Variants in ARHGAP32 observed in about 807,000 individuals in gnomAD.
ARHGAP32 encodes the protein rho GTPase-activating protein 32.
In ARHGAP32, 51 loss-of-function variants were observed where a neutral mutation model predicts 186.5. That is an observed-to-expected ratio of 0.27 (90% confidence interval 0.22 to 0.35). The LOEUF is 0.35. Ranked by LOEUF, ARHGAP32 falls within the 10% of genes least tolerant of loss-of-function variation. The pLI is 1.00. For synonymous variants in ARHGAP32, 950 were observed against 964.3 expected, an observed-to-expected ratio of 0.99 and a Z score of 0.27; for missense variants, 2,186 against 2,623.5, an observed-to-expected ratio of 0.83 and a Z score of 3.64.
chr11:129,080,889 C>T (rs1053312818), intron 6 of ARHGAP32, among the ~76,000 whole-genome samples: 57 of 151,854 alleles, frequency 3.8e-4, no homozygotes, highest in African/African-American at 1.4e-3. Flanking sequence ...ACGAGAAGAT[C>T]CAACTAAGCT....
At chr11:129,249,895 T>G (rs1198223002) in intron 1 of ARHGAP32, among the ~76,000 whole-genome samples, 3 of 152,042 alleles carry the variant, frequency 2.0e-5, no homozygotes, top group Admixed American at 1.3e-4. Context: ...TAACTGGTTG[T>G]TTGATGTCAA....
Position 129,255,350 on chromosome 11 carries a change from T to A in ARHGAP32, c.-5+23796A>T, listed in dbSNP as rs568953208. Among the ~76,000 whole-genome samples, 228 of 152,216 alleles carry A rather than the reference T, an allele frequency of 1.5e-3. 2 individuals are homozygous for A. The highest frequency in any genetic ancestry group is 5.4e-3 in the African/African-American group (223 of 41,556). Reference sequence around the variant, plus strand: ...AATCTCATGTGAAAATAAGGTACTGTGACCCCCAACTCACATCCTACACAA... The same window carrying A: ...AATCTCATGTGAAAATAAGGTACTGAGACCCCCAACTCACATCCTACACAA... On this transcript the variant is annotated intron_variant, in intron 1 of 6. Coordinates refer to the ARHGAP32 transcript ENST00000525234.
At chr11:129,052,010 A>G (rs975641496) in intron 10 of ARHGAP32, among the ~76,000 whole-genome samples, 3 of 149,950 alleles carry the variant, frequency 2.0e-5, no homozygotes, top group Non-Finnish European at 4.4e-5. Flanking sequence ...CAAAGCCACA[A>G]AAGTTTTCTC....
chr11:128,973,316 A>T lies in ARHGAP32; in HGVS notation c.3190T>A (p.Ser1064Thr). ...ARMLALALAE[S>T]AQQASTQSLK... is the part of the protein sequence containing the mutation. ...GACTGAGTTGAGGCTTGCTGTGCGGACTCAGCTAATGCTAGCGCCAACATT... is the reference window on the plus strand; with the variant it reads ...GACTGAGTTGAGGCTTGCTGTGCGGTCTCAGCTAATGCTAGCGCCAACATT... Residue 1064 changes from serine to threonine, a missense_variant, in exon 22 of 23, where the codon TCC (serine) becomes ACC (threonine). Ser to Thr is a moderately conservative substitution (Grantham distance 58). Around this residue, in one of 5 missense-constraint regions of ARHGAP32, gnomAD observed 1,502 missense variants for 1,570.0 expected, o/e 0.96. Transcript: ENST00000682385. The T allele has an allele frequency of 1.2e-6, 2 of 1,613,912 alleles. No individual in the cohort carries two copies. Among genetic ancestry groups the T allele is most frequent in the Non-Finnish European group, 1.7e-6 (2 of 1,179,994 alleles).
chr11:128,967,872 A>C lies in ARHGAP32; in HGVS notation c.*1035T>G, dbSNP rs1413264882. ...GTTTAGGAACAGAAACAAACATGGA[A>C]ATTTATATTCATAATAAATTATGCG... On this transcript the variant is annotated 3_prime_UTR_variant, in exon 23 of 23. Transcript: ENST00000682385. The C allele has an allele frequency of 6.6e-6, 1 of 151,696 alleles. No individual in the cohort carries two copies. Among genetic ancestry groups the C allele is most frequent in the Non-Finnish European group, 1.5e-5 (1 of 67,994 alleles). The allele number at this position is 151,696 out of a possible 1,614,324, so 9.4% of individuals were successfully genotyped here. A position where few individuals can be genotyped will look rare whatever the true frequency, so the allele number is the denominator to read the frequency against.
At chr11:128,976,530 A>G in intron 20 of ARHGAP32, 33 bp downstream of exon 20, 3 of 1,548,960 alleles carry the variant, frequency 1.9e-6, no homozygotes, top group Non-Finnish European at 2.7e-6. Flanking sequence ...GCAATATATT[A>G]TAGAATAAAA....
In ARHGAP32 at chr11:129,247,028, T is replaced by C. The variant is rs981979220; in HGVS notation, c.-5+32118A>G. On this transcript the variant is annotated intron_variant, in intron 1 of 6. Coordinates refer to the ARHGAP32 transcript ENST00000525234. ...CTCTTTTTTCCTCACTAGGTCTACC[T>C]TCCACGCTCTATAGTAAATACACTG... Among the ~76,000 whole-genome samples, 6 of 152,316 alleles carry C rather than the reference T, an allele frequency of 3.9e-5. No individual in the cohort carries two copies. The South Asian group carries it at 8.3e-4, about 21-fold the overall frequency.
chr11:129,124,026 TTTAAAACTGATTAC>T (rs2135383066), intron 3 of ARHGAP32, 97 bp from the exon 4 acceptor site: 1 of 834,308 alleles, frequency 1.2e-6, no homozygotes, highest in African/African-American at 1.8e-5. Context: ...GGTTTTCCTC[TTTAAAACTGATTAC>T]TTTCAGGTAC....
In ARHGAP32 at chr11:128,967,727, A is replaced by G. The variant is rs984644542; in HGVS notation, c.*1180T>C. 4 of 152,206 alleles carry G rather than the reference A, an allele frequency of 2.6e-5. No individual in the cohort carries two copies. The highest frequency in any genetic ancestry group is 5.9e-5 in the Non-Finnish European group (4 of 68,048). 9.4% of individuals were successfully genotyped at this position (152,206 alleles called of 1,614,324 possible). On this transcript the variant is annotated 3_prime_UTR_variant, in exon 23 of 23. Coordinates refer to ENST00000682385, the MANE Select transcript of ARHGAP32 (RefSeq NM_001378024.1). ...ACGACAGTAATGCCTTAGGACAGCA[A>G]TAACTGCCCAGAACTCCACTGGTGA...
At chr11:129,086,647 CT>C (rs1941409162) in intron 6 of ARHGAP32, among the ~76,000 whole-genome samples, 2 of 152,156 alleles carry the variant, frequency 1.3e-5, no homozygotes, top group Admixed American at 6.5e-5. Flanking sequence ...CGGTGAAACC[CT>C]GTCTCTACTA....
chr11:129,064,128 C>T, intron 8 of ARHGAP32, 104 bp from the exon 9 acceptor site: 1 of 973,480 alleles, frequency 1.0e-6, no homozygotes, highest in Non-Finnish European at 1.3e-6. Context: ...TACAATAACC[C>T]AAAGAGTCTT....
intron 12 of ARHGAP32, among the ~76,000 whole-genome samples, chr11:128,995,994 T>C (rs1007864618): frequency 1.3e-5 from 2 of 152,258 alleles, no homozygotes; most frequent in African/African-American, 4.8e-5. Flanking sequence ...AGTGTCTTGC[T>C]ATGAAATGTC....
intron 15 of ARHGAP32, 149 bp downstream of exon 15, chr11:128,985,854 G>A (rs1318364658): frequency 0.023 from 2,756 of 119,730 alleles, 36 homozygotes; most frequent in Middle Eastern, 0.034. Context: ...GTGTGTGTGT[G>A]TGTGTATATA....
chr11:129,101,437 C>G (rs1377360766), intron 5 of ARHGAP32, among the ~76,000 whole-genome samples: 2 of 152,020 alleles, frequency 1.3e-5, no homozygotes, highest in Admixed American at 1.3e-4. Context: ...AAACCCAATC[C>G]AAGGAAGCTA....
intron 2 of ARHGAP32, among the ~76,000 whole-genome samples, chr11:129,162,720 A>T (rs892824791): frequency 6.6e-6 from 1 of 152,152 alleles, no homozygotes; most frequent in Non-Finnish European, 1.5e-5. Flanking sequence ...TGCAGACTTG[A>T]TGATATTTCT....
intron 1 of ARHGAP32, among the ~76,000 whole-genome samples, chr11:129,167,590 T>C (rs1002821763): frequency 1.3e-5 from 2 of 152,116 alleles, no homozygotes; most frequent in African/African-American, 2.4e-5. Context: ...ATTGAAAACA[T>C]TATGCTAAAT....
At chr11:129,169,155 T>A (rs112842260) in intron 1 of ARHGAP32, among the ~76,000 whole-genome samples, 5 of 151,972 alleles carry the variant, frequency 3.3e-5, no homozygotes, top group African/African-American at 1.2e-4. Flanking sequence ...AATGTTTAAA[T>A]AACAAATCAA....
chr11:129,147,318 C>A (rs1011446107), intron 2 of ARHGAP32, among the ~76,000 whole-genome samples: 3 of 152,074 alleles, frequency 2.0e-5, no homozygotes, highest in African/African-American at 7.2e-5. Flanking sequence ...ATGTATACAG[C>A]ATATGACATT....
chr11:129,067,455 T>TTCTAA (rs1218401031), intron 6 of ARHGAP32, among the ~76,000 whole-genome samples: 1 of 152,098 alleles, frequency 6.6e-6, no homozygotes, highest in Non-Finnish European at 1.5e-5. Flanking sequence ...AGATACTATC[T>TTCTAA]TCTAATCTTC....
Sources: gnomAD v4.1 joint callset for allele counts (sites outside exome capture counted in the v4.1 genomes callset) on GRCh38, gnomAD v4.1.1 for gene constraint, gnomAD v4.1.1 regional missense constraint, MANE v1.5 for transcripts, NCBI Gene and HGNC (gene_info 2026-07-23, HGNC 2026-07-21) for gene names.